The following PDE11A variants were observed in gnomAD, a reference collection of about 807,000 sequenced individuals.
PDE11A encodes phosphodiesterase 11A.
A neutral mutation model predicts 100.5 loss-of-function variants in PDE11A; 100 were observed. The ratio of observed to expected loss-of-function variants is 1.00; its 90% CI spans 0.85 to 1.18. The LOEUF is 1.18. Ranked by LOEUF, PDE11A falls within the 50% of genes most tolerant of loss-of-function variation. The pLI is 0.00. For missense variants in PDE11A, 1,141 were observed against 1,152.6 expected, an observed-to-expected ratio of 0.99 and a Z score of 0.15; for synonymous variants, 381 against 420.8, an observed-to-expected ratio of 0.91 and a Z score of 1.16.
At chr2:177,903,231 G>A (rs1350001085) in intron 3 of PDE11A, among the ~76,000 whole-genome samples, 1 of 151,884 alleles carries the variant, frequency 6.6e-6, no homozygotes, top group Non-Finnish European at 1.5e-5. Context: ...AGACCTTTAT[G>A]TGGCTTTGCT....
intron 19 of PDE11A, among the ~76,000 whole-genome samples, chr2:177,663,358 C>T (rs1173926847): frequency 1.3e-5 from 2 of 152,110 alleles, no homozygotes; most frequent in East Asian, 3.9e-4. Context: ...ACAAAACCCC[C>T]TGTATCAGAC....
At chr2:178,089,586 G>GT (rs756128210) in intron 2 of PDE11A, among the ~76,000 whole-genome samples, 71 of 152,344 alleles carry the variant, frequency 4.7e-4, no homozygotes, top group Non-Finnish European at 9.3e-4. Flanking sequence ...TGCTAAATTA[G>GT]TTTAGCACAG....
chr2:177,804,470 T>C (rs529242979), intron 9 of PDE11A, among the ~76,000 whole-genome samples: 2 of 151,920 alleles, frequency 1.3e-5, no homozygotes, highest in East Asian at 3.8e-4. Flanking sequence ...AATACTTATA[T>C]GCTGTTGATA....
At chr2:178,081,122 C>CTAAT (rs928731020) in intron 2 of PDE11A, among the ~76,000 whole-genome samples, 1 of 152,112 alleles carries the variant, frequency 6.6e-6, no homozygotes, top group Non-Finnish European at 1.5e-5. Flanking sequence ...TCTGGAAACA[C>CTAAT]TAATTACATC....
chr2:177,990,576 A>G (rs1249009525), intron 2 of PDE11A, among the ~76,000 whole-genome samples: 3 of 151,914 alleles, frequency 2.0e-5, no homozygotes, highest in African/African-American at 7.3e-5. Context: ...CATCTCTACT[A>G]AAAATACAAA....
At chr2:178,048,002 C>T (rs1046506155) in intron 1 of PDE11A, among the ~76,000 whole-genome samples, 2 of 152,164 alleles carry the variant, frequency 1.3e-5, no homozygotes, top group African/African-American at 4.8e-5. Flanking sequence ...TCTGGCTCTA[C>T]CATCCTATCC....
intron 13 of PDE11A, among the ~76,000 whole-genome samples, chr2:177,707,075 C>T (rs917057223): frequency 6.6e-6 from 1 of 152,170 alleles, no homozygotes; most frequent in African/African-American, 2.4e-5. Flanking sequence ...AAATAGATGT[C>T]ACAAAGTCAT....
At chr2:178,061,091 G>A (rs577510800) in intron 1 of PDE11A, among the ~76,000 whole-genome samples, 9 of 151,726 alleles carry the variant, frequency 5.9e-5, no homozygotes, top group South Asian at 2.1e-4. Context: ...CTACAGGTGC[G>A]TGCCACCACA....
intron 9 of PDE11A, among the ~76,000 whole-genome samples, chr2:177,778,420 C>T (rs992920609): frequency 6.6e-6 from 1 of 152,100 alleles, no homozygotes; most frequent in Non-Finnish European, 1.5e-5. Context: ...CACTTAAGAG[C>T]GAGGAGGAAC....
intron 12 of PDE11A, among the ~76,000 whole-genome samples, chr2:177,712,556 T>C (rs1395065530): frequency 6.6e-6 from 1 of 152,242 alleles, no homozygotes; most frequent in East Asian, 1.9e-4. Context: ...GGGGTATCCA[T>C]TACTGGGAAT....
At position 177,659,271 on chromosome 2, in the gene PDE11A, A is replaced by G. The variant is rs1246122634; in HGVS notation, c.2646+4595T>C. Among the ~76,000 whole-genome samples the G allele has an allele frequency of 2.0e-3, 30 of 15,366 alleles. No individual in the cohort carries two copies. In the Admixed American group the frequency reaches 0.028, roughly 14 times the overall value. 10.1% of individuals were successfully genotyped at this position (15,366 alleles called of 152,430 possible). ...AGCAAAATTCTATCTCAGGGGGAAAAAAAAAAAAAAAAAAAAAGTGAAGGC... is the reference window on the plus strand; with the variant it reads ...AGCAAAATTCTATCTCAGGGGGAAAGAAAAAAAAAAAAAAAAAGTGAAGGC... On this transcript the variant is annotated intron_variant, in intron 19 of 19. Coordinates refer to ENST00000286063, the MANE Select transcript of PDE11A (RefSeq NM_016953.4).
intron 10 of PDE11A, among the ~76,000 whole-genome samples, chr2:177,737,417 A>AT (rs2081803820): frequency 6.9e-6 from 1 of 145,312 alleles, no homozygotes. Flanking sequence ...TCTCTACTAA[A>AT]AATACACACA....
intron 5 of PDE11A, among the ~76,000 whole-genome samples, chr2:177,848,297 T>C (rs942025055): frequency 6.6e-5 from 10 of 152,178 alleles, no homozygotes; most frequent in Non-Finnish European, 1.2e-4. Flanking sequence ...TATATTGATA[T>C]AAATGTTTGA....
intron 2 of PDE11A, among the ~76,000 whole-genome samples, chr2:178,081,394 G>A (rs2087283389): frequency 6.6e-6 from 1 of 151,828 alleles, no homozygotes; most frequent in African/African-American, 2.4e-5. Context: ...AGAAAATATA[G>A]AGAAAAAGAA....
chr2:178,036,338 G>A (rs1326764972), intron 1 of PDE11A, among the ~76,000 whole-genome samples: 1 of 152,066 alleles, frequency 6.6e-6, no homozygotes, highest in Non-Finnish European at 1.5e-5. Context: ...ACTTCCTCAA[G>A]GAGAACTACA....
rs150825926 is a variant in PDE11A, at chr2:177,743,186, C to A, written c.1789-15014G>T. On this transcript the variant is annotated intron_variant, in intron 10 of 19. Transcript: ENST00000286063. ...TTAATACAGATGCTGATTACAGAAA[C>A]CAGGGGTGAAACTCAAGTTTTAAAT... 2.1e-3 allele frequency among the ~76,000 whole-genome samples: 317 copies of A among 152,238 alleles called. 2 individuals are homozygous for A. The highest frequency in any genetic ancestry group is 3.7e-3 in the Non-Finnish European group (251 of 68,014).
chr2:177,928,935 G>T (rs533973123), intron 2 of PDE11A, among the ~76,000 whole-genome samples: 1 of 152,246 alleles, frequency 6.6e-6, no homozygotes, highest in Non-Finnish European at 1.5e-5. Flanking sequence ...CAATATTTAT[G>T]TTCCTTAAAG....
At chr2:177,799,697 G>A (rs1376960879) in intron 9 of PDE11A, among the ~76,000 whole-genome samples, 1 of 152,066 alleles carries the variant, frequency 6.6e-6, no homozygotes, top group Non-Finnish European at 1.5e-5. Context: ...AGTCCCCCTT[G>A]GTCTGAAAGA....
At chr2:177,685,074 G>A (rs1246191484) in intron 15 of PDE11A, among the ~76,000 whole-genome samples, 1 of 152,114 alleles carries the variant, frequency 6.6e-6, no homozygotes, top group African/African-American at 2.4e-5. Flanking sequence ...TGAGGACAAA[G>A]GCTTGGCCCA....
Sources: gnomAD v4.1 joint callset for allele counts (sites outside exome capture counted in the v4.1 genomes callset) on GRCh38, gnomAD v4.1.1 for gene constraint, MANE v1.5 for transcripts, NCBI Gene and HGNC (gene_info 2026-07-23, HGNC 2026-07-21) for gene names.